The following MBNL2 variants were observed in gnomAD, a reference collection of about 807,000 sequenced individuals.
MBNL2 encodes muscleblind like splicing regulator 2.
Under a neutral mutation model 41.9 loss-of-function variants are expected in MBNL2, and 17 were observed. The ratio of observed to expected loss-of-function variants is 0.41; its 90% confidence interval spans 0.28 to 0.61. The LOEUF is 0.61. MBNL2 is among the 20% of genes least tolerant of loss of function. The pLI is 0.35. For missense variants in MBNL2, 336 were observed against 505.6 expected (o/e 0.66, Z 3.22); for synonymous variants, 195 against 182.9 (o/e 1.07, Z -0.53).
chr13:97,315,604 A>T (rs1337933874), intron 2 of MBNL2, among the ~76,000 whole-genome samples: 1 of 152,228 alleles, frequency 6.6e-6, no homozygotes. Flanking sequence ...TCAGAGAGTC[A>T]TTCATGTGAG....
intron 2 of MBNL2, among the ~76,000 whole-genome samples, chr13:97,318,590 A>T: frequency 6.6e-6 from 1 of 152,214 alleles, no homozygotes; most frequent in Non-Finnish European, 1.5e-5. Context: ...ATTCCTTTTT[A>T]AAAAATAAAA....
intron 1 of MBNL2, among the ~76,000 whole-genome samples, chr13:97,239,963 T>C (rs895168367): frequency 5.9e-5 from 9 of 152,116 alleles, no homozygotes; most frequent in Non-Finnish European, 1.3e-4. Context: ...TCCACCCAAC[T>C]CCAACCCCAG....
chr13:97,158,435 T>C, the MBNL2 span, among the ~76,000 whole-genome samples: 1 of 152,354 alleles, frequency 6.6e-6, no homozygotes, highest in East Asian at 1.9e-4. Context: ...TGCCTTCTGC[T>C]AGCTTTTGAA....
chr13:97,183,616 A>G, the MBNL2 span, among the ~76,000 whole-genome samples: 17 of 152,122 alleles, frequency 1.1e-4, no homozygotes, highest in Non-Finnish European at 7.4e-5. Context: ...CAGTTTGACA[A>G]TTTTACGCCC....
At chr13:97,386,623 T>C (rs1452788763) in intron 8 of MBNL2, among the ~76,000 whole-genome samples, 2 of 152,234 alleles carry the variant, frequency 1.3e-5, no homozygotes, top group Non-Finnish European at 2.9e-5. Flanking sequence ...GAGGACACTA[T>C]AATTATTAAA....
chr13:97,215,773 GA>G, the MBNL2 span, among the ~76,000 whole-genome samples: 1 of 152,072 alleles, frequency 6.6e-6, no homozygotes, highest in African/African-American at 2.4e-5. Context: ...GGGACACAGT[GA>G]AAAAAATTAT....
At chr13:97,267,331 T>C (rs1023622400) in intron 1 of MBNL2, among the ~76,000 whole-genome samples, 5 of 152,228 alleles carry the variant, frequency 3.3e-5, no homozygotes, top group Admixed American at 6.5e-5. Flanking sequence ...AGTTCTTAAA[T>C]ACATTTTGAA....
intron 8 of MBNL2, among the ~76,000 whole-genome samples, chr13:97,377,320 T>C (rs1053319645): frequency 6.6e-6 from 1 of 152,230 alleles, no homozygotes; most frequent in African/African-American, 2.4e-5. Flanking sequence ...CTAGAGTGGT[T>C]AACTGACCTT....
chr13:97,186,698 T>C, the MBNL2 span, among the ~76,000 whole-genome samples: 2 of 152,340 alleles, frequency 1.3e-5, no homozygotes, highest in African/African-American at 4.8e-5. Flanking sequence ...CAGATTCATC[T>C]GGAGATCACA....
At chr13:97,190,955 A>G in the MBNL2 span, among the ~76,000 whole-genome samples, 8 of 152,204 alleles carry the variant, frequency 5.3e-5, 1 homozygote, top group South Asian at 1.2e-3. Flanking sequence ...AATAACACTT[A>G]AAGTTTTAAT....
chr13:97,335,360 G>A (rs1020872035), intron 3 of MBNL2, among the ~76,000 whole-genome samples: 5 of 151,396 alleles, frequency 3.3e-5, no homozygotes, highest in African/African-American at 1.2e-4. Context: ...AAAGGCTTTT[G>A]TATAAAAATC....
chr13:97,319,413 G>A lies in MBNL2; in HGVS notation c.175-14863G>A, dbSNP rs535905779. 5.9e-5 allele frequency among the ~76,000 whole-genome samples: 9 copies of A among 152,276 alleles called. No homozygotes were observed. In the South Asian group the frequency reaches 1.9e-3, roughly 32 times the overall value. On this transcript the variant is annotated intron_variant, in intron 2 of 8. Coordinates refer to ENST00000679496, the MANE Select transcript of MBNL2 (RefSeq NM_001382683.1). ...ACTAAAGGCTGGGCCTGATGAGAAG[G>A]AATGAATAGGCAGGGTGGTCGTGAG...
At chr13:97,280,001 G>A (rs1177450828) in intron 2 of MBNL2, among the ~76,000 whole-genome samples, 1 of 152,148 alleles carries the variant, frequency 6.6e-6, no homozygotes, top group African/African-American at 2.4e-5. Context: ...GTATTATTAT[G>A]AACAGTAGAC....
the MBNL2 span, among the ~76,000 whole-genome samples, chr13:97,211,159 T>C: frequency 6.6e-6 from 1 of 152,236 alleles, no homozygotes; most frequent in Non-Finnish European, 1.5e-5. Flanking sequence ...TCTTGCTGTC[T>C]GCTTCCTCAT....
intron 1 of MBNL2, among the ~76,000 whole-genome samples, chr13:97,258,919 A>T (rs907448250): frequency 6.6e-6 from 1 of 152,148 alleles, no homozygotes; most frequent in Non-Finnish European, 1.5e-5. Context: ...TTAACCCCCC[A>T]GGCCAGAGGA....
chr13:97,203,911 TGGATGGAC>T, the MBNL2 span, among the ~76,000 whole-genome samples: 2 of 147,626 alleles, frequency 1.4e-5, no homozygotes, highest in East Asian at 2.0e-4. Flanking sequence ...GATGGATGGA[TGGATGGAC>T]GGACGGATGA....
At chr13:97,159,028 T>C in the MBNL2 span, among the ~76,000 whole-genome samples, 1 of 150,690 alleles carries the variant, frequency 6.6e-6, no homozygotes, top group African/African-American at 2.4e-5. Flanking sequence ...TGTGTGGGAG[T>C]CTAAGTCTCT....
the MBNL2 span, among the ~76,000 whole-genome samples, chr13:97,173,465 G>C: frequency 3.9e-5 from 6 of 152,336 alleles, no homozygotes. Flanking sequence ...GTCCAGCCTA[G>C]TGTCTTGGCT....
At chr13:97,158,530 T>C in the MBNL2 span, among the ~76,000 whole-genome samples, 2 of 151,766 alleles carry the variant, frequency 1.3e-5, no homozygotes, top group African/African-American at 4.8e-5. Context: ...CTTGTGGGCA[T>C]TTAGTGCTAT....
Sources: gnomAD v4.1 joint callset for allele counts (sites outside exome capture counted in the v4.1 genomes callset) on GRCh38, gnomAD v4.1.1 for gene constraint, MANE v1.5 for transcripts, NCBI Gene and HGNC (gene_info 2026-07-23, HGNC 2026-07-21) for gene names.